Variants in CRPPA observed in about 807,000 individuals in gnomAD.
CRPPA encodes the protein CDP-L-ribitol pyrophosphorylase A.
Under a neutral mutation model 52.0 loss-of-function variants are expected in CRPPA, and 43 were observed. The ratio of observed to expected loss-of-function variants is 0.83; its 90% CI spans 0.65 to 1.07. CRPPA has a LOEUF of 1.07. Ranked by LOEUF, CRPPA falls within the 50% of genes least tolerant of loss-of-function variation. The pLI is 0.00. For synonymous variants in CRPPA, 250 were observed against 203.5 expected (o/e 1.23, Z -1.94); for missense variants, 629 against 551.7 (o/e 1.14, Z -1.40).
chr7:16,115,865 G>C (rs1782360129), intron 9 of CRPPA, among the ~76,000 whole-genome samples: 2 of 152,152 alleles, frequency 1.3e-5, no homozygotes, highest in Non-Finnish European at 2.9e-5. Flanking sequence ...CATTCAGATA[G>C]ATTAGATAGA....
In CRPPA at chr7:16,134,183, G is replaced by A. The variant is rs1163175450; in HGVS notation, c.1252-42384C>T. Among the ~76,000 whole-genome samples the A allele has an allele frequency of 3.2e-5, 4 of 124,596 alleles. 2 individuals carry two copies. Among genetic ancestry groups the A allele is most frequent in the East Asian group, 7.0e-4 (2 of 2,866 alleles). 81.7% of individuals were successfully genotyped at this position (124,596 alleles called of 152,430 possible). A position where few individuals can be genotyped will look rare whatever the true frequency, so the allele number is the denominator to read the frequency against. On this transcript the variant is annotated intron_variant, in intron 9 of 9. Transcript: ENST00000407010. ...CCTGACCTCGTGATCCGCCCGCCTC[G>A]GCCCCCTAAAGTGCTGGGATTACAG...
chr7:16,213,712 G>T (rs1782218536), intron 9 of CRPPA, among the ~76,000 whole-genome samples: 1 of 150,894 alleles, frequency 6.6e-6, no homozygotes, highest in Non-Finnish European at 1.5e-5. Flanking sequence ...TTGTGCCATT[G>T]CGCTCCAGCC....
rs563602492 is a variant in CRPPA, at chr7:16,140,527, G to T, written c.1252-48728C>A. Reference sequence around the variant, plus strand: ...CTTTAGTCATACAAATTATTACACAGACACATATGGATATAACATAAAAAG... The same window carrying T: ...CTTTAGTCATACAAATTATTACACATACACATATGGATATAACATAAAAAG... On this transcript the variant is annotated intron_variant, in intron 9 of 9. Coordinates refer to ENST00000407010, the MANE Select transcript of CRPPA (RefSeq NM_001101426.4). Among the ~76,000 whole-genome samples, 61 of 152,258 alleles carry T rather than the reference G, an allele frequency of 4.0e-4. No individual in the cohort carries two copies. In the Middle Eastern group the frequency reaches 0.02, roughly 51 times the overall value.
At chr7:16,142,524 T>C (rs566869868) in intron 9 of CRPPA, among the ~76,000 whole-genome samples, 8 of 152,356 alleles carry the variant, frequency 5.3e-5, no homozygotes, top group Non-Finnish European at 7.4e-5. Flanking sequence ...ATAAAACTTT[T>C]AGATGTTGAG....
intron 9 of CRPPA, among the ~76,000 whole-genome samples, chr7:16,103,793 G>A (rs1244184992): frequency 2.0e-5 from 3 of 152,160 alleles, no homozygotes; most frequent in Admixed American, 2.0e-4. Context: ...ATAACTTATA[G>A]GAGGGATAGA....
In CRPPA at chr7:16,182,010, C is replaced by A. The variant is rs55794314; in HGVS notation, c.1251+34056G>T. On this transcript the variant is annotated intron_variant, in intron 9 of 9. Transcript: ENST00000407010. ...ATAGCTATATCATCAATATTTATTT[C>A]TAAATTTATAAACCTAATATGTAAT... Among the ~76,000 whole-genome samples, 458 of 151,832 alleles carry A rather than the reference C, an allele frequency of 3.0e-3. 3 individuals carry two copies. Among genetic ancestry groups the A allele is most frequent in the African/African-American group, 0.011 (436 of 41,498 alleles).
chr7:16,131,273 G>T (rs921889376), intron 9 of CRPPA, among the ~76,000 whole-genome samples: 2 of 152,086 alleles, frequency 1.3e-5, no homozygotes, highest in African/African-American at 4.8e-5. Flanking sequence ...GACCATTAGA[G>T]GCAATTTTAG....
At chr7:16,398,210 T>G (rs1156908416) in intron 2 of CRPPA, among the ~76,000 whole-genome samples, 2 of 152,062 alleles carry the variant, frequency 1.3e-5, no homozygotes, top group Non-Finnish European at 2.9e-5. Context: ...GATCAAGACA[T>G]GATCTACATG....
chr7:16,332,196 T>A (rs2128430327), intron 3 of CRPPA, among the ~76,000 whole-genome samples: 1 of 152,266 alleles, frequency 6.6e-6, no homozygotes, highest in Non-Finnish European at 1.5e-5. Context: ...TACCTAGAAT[T>A]CTATCTTCTG....
intron 9 of CRPPA, among the ~76,000 whole-genome samples, chr7:16,108,743 A>G (rs1460438057): frequency 6.6e-6 from 1 of 151,942 alleles, no homozygotes; most frequent in Non-Finnish European, 1.5e-5. Flanking sequence ...AAATACTAAA[A>G]TTATATTAAG....
chr7:16,095,278 C>T (rs1022070984), intron 9 of CRPPA, among the ~76,000 whole-genome samples: 1 of 152,126 alleles, frequency 6.6e-6, no homozygotes, highest in African/African-American at 2.4e-5. Context: ...CTTTAATAAA[C>T]TATGCAGTTG....
intron 8 of CRPPA, among the ~76,000 whole-genome samples, chr7:16,223,240 C>A (rs1490281001): frequency 1.3e-5 from 2 of 152,212 alleles, no homozygotes; most frequent in Non-Finnish European, 2.9e-5. Flanking sequence ...AAAGTCTCAA[C>A]ATACTATTTA....
intron 9 of CRPPA, among the ~76,000 whole-genome samples, chr7:16,194,947 C>A (rs963858601): frequency 6.6e-6 from 1 of 151,496 alleles, no homozygotes; most frequent in Non-Finnish European, 1.5e-5. Context: ...GGAGTGGAGA[C>A]TTTTGCAGCT....
At chr7:16,142,815 G>A (rs1460476378) in intron 9 of CRPPA, among the ~76,000 whole-genome samples, 1 of 152,056 alleles carries the variant, frequency 6.6e-6, no homozygotes, top group Non-Finnish European at 1.5e-5. Flanking sequence ...AAAATAAATG[G>A]CACAAAGAGT....
intron 9 of CRPPA, among the ~76,000 whole-genome samples, chr7:16,145,454 G>A (rs75091414): frequency 0.043 from 6,487 of 152,166 alleles, 464 homozygotes; most frequent in African/African-American, 0.15. Context: ...TGACACCATC[G>A]AAAGAAATTA....
intron 9 of CRPPA, among the ~76,000 whole-genome samples, chr7:16,166,500 G>A (rs954364041): frequency 3.3e-5 from 5 of 151,972 alleles, no homozygotes; most frequent in South Asian, 2.1e-4. Context: ...GGCTAGTCTC[G>A]AACTCCTGAC....
chr7:16,184,402 A>G (rs769397430), intron 9 of CRPPA, among the ~76,000 whole-genome samples: 2 of 152,194 alleles, frequency 1.3e-5, no homozygotes, highest in Non-Finnish European at 2.9e-5. Context: ...TTTCATATTT[A>G]TTTTGTAGAA....
At chr7:16,110,812 C>G (rs187951707) in intron 9 of CRPPA, among the ~76,000 whole-genome samples, 1 of 152,082 alleles carries the variant, frequency 6.6e-6, no homozygotes, top group Non-Finnish European at 1.5e-5. Flanking sequence ...GCACTAAAGA[C>G]TTAAATACAA....
intron 9 of CRPPA, among the ~76,000 whole-genome samples, chr7:16,121,598 T>A (rs1254039733): frequency 2.0e-5 from 3 of 151,866 alleles, no homozygotes; most frequent in Admixed American, 6.6e-5. Flanking sequence ...GATGGAGGAA[T>A]AAAAAAAGAC....
Sources: gnomAD v4.1 joint callset for allele counts (sites outside exome capture counted in the v4.1 genomes callset) on GRCh38, gnomAD v4.1.1 for gene constraint, MANE v1.5 for transcripts, NCBI Gene and HGNC (gene_info 2026-07-23, HGNC 2026-07-21) for gene names.